The following RP1 variants were observed in gnomAD, a reference collection of about 807,000 sequenced individuals.
The protein encoded by RP1 is oxygen-regulated protein 1.
RP1 carries 16 observed loss-of-function variants against 14.8 expected under a neutral mutation model. The ratio of observed to expected loss-of-function variants is 1.08; its 90% CI spans 0.73 to 1.65. The LOEUF (loss-of-function observed/expected upper bound fraction) is 1.65, where lower values mean the gene tolerates loss of function less well. RP1 is among the 40% of genes most tolerant of loss of function. The probability of loss-of-function intolerance (pLI) is 0.00; values close to 1 mark genes in which losing one functional copy is unlikely to be tolerated. For synonymous variants in RP1, 876 were observed against 883.6 expected, an observed-to-expected ratio of 0.99 and a Z score of 0.15; for missense variants, 2,631 against 2,535.0, an observed-to-expected ratio of 1.04 and a Z score of -0.81.
chr8:54,671,958 CACGTGCTTT>C (rs1807190149), intron 7 of RP1, among the ~76,000 whole-genome samples: 2 of 152,100 alleles, frequency 1.3e-5, no homozygotes, highest in South Asian at 4.1e-4. Context: ...CATTATGAGT[CACGTGCTTT>C]ACTAGGGGAA....
intron 26 of RP1, among the ~76,000 whole-genome samples, chr8:54,855,934 TACACAC>T (rs759603043): frequency 0.023 from 1,358 of 57,830 alleles, 7 homozygotes; most frequent in South Asian, 0.059. Flanking sequence ...AGACTTACTA[TACACAC>T]ACACACACAC....
At chr8:54,650,026 C>G (rs530279825) in intron 4 of RP1, among the ~76,000 whole-genome samples, 1 of 152,272 alleles carries the variant, frequency 6.6e-6, no homozygotes, top group East Asian at 1.9e-4. Context: ...TAAAAATAGT[C>G]TGAGCTGTTG....
chr8:54,732,517 A>G (rs762360596), intron 17 of RP1, among the ~76,000 whole-genome samples: 4 of 152,298 alleles, frequency 2.6e-5, no homozygotes, highest in Non-Finnish European at 4.4e-5. Flanking sequence ...AATAGGAACT[A>G]AAGTTTTCTT....
intron 3 of RP1, among the ~76,000 whole-genome samples, chr8:54,636,745 CA>C (rs1806353648): frequency 6.6e-6 from 1 of 152,016 alleles, no homozygotes; most frequent in African/African-American, 2.4e-5. Flanking sequence ...TCTCAAAAAA[CA>C]AAAACAAAAA....
chr8:54,591,828 G>A (rs1407515838), intron 1 of RP1, among the ~76,000 whole-genome samples: 1 of 152,096 alleles, frequency 6.6e-6, no homozygotes, highest in Non-Finnish European at 1.5e-5. Flanking sequence ...GGGCACTGGG[G>A]CTAGGTTTCT....
At chr8:54,807,496 G>T (rs780813996) in intron 24 of RP1, among the ~76,000 whole-genome samples, 5 of 152,012 alleles carry the variant, frequency 3.3e-5, no homozygotes, top group Non-Finnish European at 4.4e-5. Context: ...TCTGATGCTT[G>T]TCTGTTTATT....
chr8:54,633,607 T>C (rs1416766163), downstream of RP1, among the ~76,000 whole-genome samples: 2 of 151,966 alleles, frequency 1.3e-5, no homozygotes, highest in East Asian at 3.9e-4. Flanking sequence ...GTTAAACATG[T>C]TTTAGCTATT....
intron 12 of RP1, among the ~76,000 whole-genome samples, chr8:54,682,925 G>A (rs2129336369): frequency 6.6e-6 from 1 of 152,182 alleles, no homozygotes; most frequent in Admixed American, 6.5e-5. Context: ...GGTTTTTATT[G>A]TTTTGGGGTT....
chr8:54,772,372 A>G (rs1259642531), downstream of RP1, among the ~76,000 whole-genome samples: 1 of 151,986 alleles, frequency 6.6e-6, no homozygotes, highest in African/African-American at 2.4e-5. Context: ...AATAAAAAAT[A>G]AGTTTAAATT....
At chr8:54,825,333 T>C (rs1811363531) in intron 24 of RP1, among the ~76,000 whole-genome samples, 1 of 152,202 alleles carries the variant, frequency 6.6e-6, no homozygotes, top group Non-Finnish European at 1.5e-5. Context: ...CAAAACTGCC[T>C]GCCTTCAACG....
intron 6 of RP1, among the ~76,000 whole-genome samples, chr8:54,659,197 G>T (rs1211696643): frequency 1.3e-5 from 2 of 152,040 alleles, no homozygotes; most frequent in East Asian, 3.9e-4. Context: ...AATGATTGTT[G>T]CCTTTGCTGT....
At chr8:54,671,741 G>A (rs566307877) in intron 7 of RP1, among the ~76,000 whole-genome samples, 1 of 151,710 alleles carries the variant, frequency 6.6e-6, no homozygotes, top group East Asian at 1.9e-4. Context: ...TCATTTAGTT[G>A]GTCTCTCTGT....
chr8:54,631,386 G>T (rs189903131), downstream of RP1, among the ~76,000 whole-genome samples: 4 of 152,102 alleles, frequency 2.6e-5, no homozygotes, highest in Admixed American at 2.6e-4. Context: ...GAATGAAAGG[G>T]CACAAAGTTT....
chr8:54,636,951 G>T (rs998638185), intron 3 of RP1, among the ~76,000 whole-genome samples: 27 of 152,202 alleles, frequency 1.8e-4, no homozygotes, highest in African/African-American at 6.5e-4. Context: ...AAGTTCTCTA[G>T]ATTTGTTATT....
intron 7 of RP1, among the ~76,000 whole-genome samples, chr8:54,670,912 C>T (rs183719623): frequency 2.7e-3 from 407 of 151,296 alleles, no homozygotes; most frequent in Admixed American, 4.8e-3. Context: ...CTTGGCTTAC[C>T]GCAAGCCTCT....
chr8:54,607,190 G>A (rs562385867), intron 1 of RP1, among the ~76,000 whole-genome samples: 1 of 152,074 alleles, frequency 6.6e-6, no homozygotes, highest in African/African-American at 2.4e-5. Flanking sequence ...TACCTTTGGT[G>A]TTTGATAATG....
chr8:54,770,199 T>C (rs1809867840), downstream of RP1: 1 of 401,210 alleles, frequency 2.5e-6, no homozygotes, highest in Non-Finnish European at 4.4e-6. Flanking sequence ...CATCTTTTAA[T>C]CATCTGAAAT....
intron 3 of RP1, among the ~76,000 whole-genome samples, chr8:54,646,352 T>G (rs1429105813): frequency 6.6e-6 from 1 of 152,110 alleles, no homozygotes. Context: ...TATGTTAGTT[T>G]TTCTGTGATC....
intron 8 of RP1, chr8:54,673,976 T>C: frequency 7.2e-7 from 1 of 1,393,390 alleles, no homozygotes; most frequent in Non-Finnish European, 9.8e-7. Context: ...TCCATTCTGT[T>C]TATATGAAAC....
Sources: allele counts gnomAD v4.1 joint callset (sites outside exome capture counted in the v4.1 genomes callset), GRCh38; gene constraint gnomAD v4.1.1; transcripts MANE v1.5; gene names NCBI Gene and HGNC (gene_info 2026-07-23, HGNC 2026-07-21).